Variants in SMARCA5 observed in about 807,000 individuals in gnomAD.
SMARCA5 encodes SWI/SNF-related matrix-associated actin-dependent regulator of chromatin subfamily A member 5.
Under a neutral mutation model 140.4 loss-of-function variants are expected in SMARCA5, and 18 were observed. The observed-to-expected ratio is 0.13, with a 90% confidence interval of 0.09 to 0.19. SMARCA5 has a LOEUF of 0.19. Ranked by LOEUF, SMARCA5 falls within the 10% of genes least tolerant of loss-of-function variation. The pLI, the probability that SMARCA5 is intolerant of heterozygous loss-of-function variation, is 1.00. For missense variants in SMARCA5, 606 were observed against 1,276.8 expected, an observed-to-expected ratio of 0.47 and a Z score of 8.01; for synonymous variants, 449 against 419.6, an observed-to-expected ratio of 1.07 and a Z score of -0.86.
At chr4:143,540,908 A>G (rs961867425) in intron 14 of SMARCA5, among the ~76,000 whole-genome samples, 67 of 152,234 alleles carry the variant, frequency 4.4e-4, no homozygotes, top group African/African-American at 1.4e-3. Context: ...AATAAAAATC[A>G]AAGAGCCTGA....
chr4:143,546,956 G>C (rs776092341), intron 20 of SMARCA5, 48 bp downstream of exon 20: 1 of 1,580,378 alleles, frequency 6.3e-7, no homozygotes, highest in Non-Finnish European at 8.6e-7. Context: ...GCTGTTGGAA[G>C]GTTCTTGTTT....
chr4:143,514,462 A>G lies in SMARCA5; in HGVS notation c.177+361A>G, dbSNP rs78446821. The G allele has an allele frequency of 1.6e-3, 319 of 200,860 alleles. 1 individual carries two copies. The highest frequency in any genetic ancestry group is 6.7e-3 in the African/African-American group (290 of 43,034). The allele number at this position is 200,860 out of a possible 1,614,324, so 12.4% of individuals were successfully genotyped here. A position where few individuals can be genotyped will look rare whatever the true frequency, so the allele number is the denominator to read the frequency against. ...TCTCCTACCTCTGAATGTGGTTTTTAGTTTCCACCAAACTTCGGGGAAGGG... is the reference window on the plus strand; with the variant it reads ...TCTCCTACCTCTGAATGTGGTTTTTGGTTTCCACCAAACTTCGGGGAAGGG... On this transcript the variant is annotated intron_variant, in intron 1 of 23. Transcript: ENST00000283131.
At chr4:143,527,433 A>G (rs1349831710) in intron 6 of SMARCA5, among the ~76,000 whole-genome samples, 2 of 152,158 alleles carry the variant, frequency 1.3e-5, no homozygotes, top group African/African-American at 4.8e-5. Context: ...CAGTTTCCTT[A>G]CCTTTAAAAT....
intron 4 of SMARCA5, among the ~76,000 whole-genome samples, chr4:143,524,820 A>T (rs1560813384): frequency 6.6e-6 from 1 of 152,152 alleles, no homozygotes; most frequent in African/African-American, 2.4e-5. Context: ...TATTAATTTA[A>T]TTTTTTGTGA....
intron 2 of SMARCA5, 81 bp downstream of exon 2, chr4:143,517,510 C>A: frequency 3.8e-6 from 3 of 794,090 alleles, no homozygotes; most frequent in South Asian, 1.9e-5. Flanking sequence ...CTATCTTAGT[C>A]CATTTTGTGT....
chr4:143,521,098 C>T (rs1736948272), intron 2 of SMARCA5, among the ~76,000 whole-genome samples: 1 of 152,014 alleles, frequency 6.6e-6, no homozygotes, highest in Non-Finnish European at 1.5e-5. Context: ...CTTTAAATAC[C>T]ATCACAATCA....
At position 143,554,367 on chromosome 4, in the gene SMARCA5, C is replaced by T. The variant is rs779125246; in HGVS notation, c.*1183C>T. ...GTGAATAAATATAACTTTTATAATC[C>T]GTAAAGTGGTCTTTTCTTTCCATTT... On this transcript the variant is annotated 3_prime_UTR_variant, in exon 24 of 24. Coordinates refer to ENST00000283131, the MANE Select transcript of SMARCA5 (RefSeq NM_003601.4). 14 of 152,008 alleles carry T rather than the reference C, an allele frequency of 9.2e-5. No individual in the cohort carries two copies. The highest frequency in any genetic ancestry group is 7.7e-4 in the East Asian group (4 of 5,196). The allele number at this position is 152,008 out of a possible 1,614,324, so 9.4% of individuals were successfully genotyped here. A position where few individuals can be genotyped will look rare whatever the true frequency, so the allele number is the denominator to read the frequency against.
intron 15 of SMARCA5, 95 bp from the exon 16 acceptor site, chr4:143,543,758 A>G: frequency 2.0e-6 from 3 of 1,514,716 alleles, no homozygotes; most frequent in South Asian, 1.2e-5. Context: ...TTCCTTAAAG[A>G]GAAGCTTTTG....
In SMARCA5 at chr4:143,536,378, G is replaced by A; in HGVS notation, c.1269-74G>A. ...ATTTGGGGGTTCATGTGGGGAAGGG[G>A]ATTAAGTATGTAAAGTGGCAGGGAT... On this transcript the variant is annotated intron_variant, in intron 10 of 23. Coordinates refer to ENST00000283131, the MANE Select transcript of SMARCA5 (RefSeq NM_003601.4). 3 of 975,078 alleles carry A rather than the reference G, an allele frequency of 3.1e-6. No homozygotes were observed. The South Asian group carries it at 4.1e-5, about 13-fold the overall frequency. The allele number at this position is 975,078 out of a possible 1,614,324, so 60.4% of individuals were successfully genotyped here.
Position 143,513,922 on chromosome 4 carries a change from A to T in SMARCA5, c.-3A>T, listed in dbSNP as rs773733121. The T allele has an allele frequency of 6.6e-5, 102 of 1,542,334 alleles. No individual in the cohort carries two copies. Among genetic ancestry groups the T allele is most frequent in the Non-Finnish European group, 8.4e-5 (97 of 1,150,822 alleles). ...CAGCAGCGGGTGACGCAGACGGAAC[A>T]TCATGTCGTCCGCGGCCGAGCCTCC... On this transcript the variant is annotated 5_prime_UTR_variant, in exon 1 of 24. Transcript: ENST00000283131.
At position 143,548,076 on chromosome 4, in the gene SMARCA5, G is replaced by A. The variant is rs1444750996; in HGVS notation, c.2921G>A (p.Arg974Gln). 1.2e-6 allele frequency: 2 copies of A among 1,612,974 alleles called. No homozygotes were observed. The highest frequency in any genetic ancestry group is 1.7e-6 in the Non-Finnish European group (2 of 1,179,272). ...FDKENVYDEL[R>Q]QCIRNSPQFR... ...AAAGAAAATGTTTATGATGAATTGC[G>A]ACAGTGTATTCGCAACTCTCCTCAG... Residue 974 changes from arginine to glutamine, a missense_variant, in exon 22 of 24, where the codon CGA becomes CAA. Physicochemically the swap from Arg to Gln is conservative, Grantham distance 43 (BLOSUM62 1). Transcript: ENST00000283131.
At position 143,555,642 on chromosome 4, in the gene SMARCA5, T is replaced by G. The variant is rs1401665754; in HGVS notation, c.*2458T>G. ...TCTGACAAAGTGCTGGAGGCTATTA[T>G]AAAGTGTAATTATTACTACTTTTAA... On this transcript the variant is annotated 3_prime_UTR_variant, in exon 24 of 24. Coordinates refer to ENST00000283131, the MANE Select transcript of SMARCA5 (RefSeq NM_003601.4). The G allele has an allele frequency of 3.7e-6, 1 of 270,150 alleles. No individual in the cohort carries two copies. The highest frequency in any genetic ancestry group is 2.3e-5 in the African/African-American group (1 of 44,040). 16.7% of individuals were successfully genotyped at this position (270,150 alleles called of 1,614,324 possible). A position where few individuals can be genotyped will look rare whatever the true frequency, so the allele number is the denominator to read the frequency against.
intron 11 of SMARCA5, among the ~76,000 whole-genome samples, chr4:143,537,337 T>C (rs1385766695): frequency 6.6e-6 from 1 of 152,214 alleles, no homozygotes; most frequent in African/African-American, 2.4e-5. Context: ...GAAATATCAC[T>C]GCTATAGTAT....
rs773527690 is a variant in SMARCA5 at position 143,540,428 on chromosome 4, T to C, written c.1836T>C (p.Thr612=). The change falls in exon 14 of 24, where the codon ACT becomes ACC. Residue 612 remains threonine, a synonymous_variant. Transcript: ENST00000283131. ...VRVFRFITDN[T]VEERIVERAE... is the part of the protein sequence containing the mutation. ...TGTTCCGCTTTATAACTGATAACAC[T>C]GTAGAAGAAAGAATAGTAGAACGTG... is the stretch of plus-strand genomic sequence containing the variant. 5 of 1,613,126 alleles carry C rather than the reference T, an allele frequency of 3.1e-6. No individual in the cohort carries two copies. Among genetic ancestry groups the C allele is most frequent in the Non-Finnish European group, 4.2e-6 (5 of 1,179,222 alleles).
chr4:143,514,229 TG>T, intron 1 of SMARCA5, 128 bp downstream of exon 1: 1 of 844,494 alleles, frequency 1.2e-6, no homozygotes, highest in Admixed American at 3.0e-5. Flanking sequence ...TCACACCCTG[TG>T]GATACGAAAT....
intron 14 of SMARCA5, among the ~76,000 whole-genome samples, chr4:143,542,641 A>G (rs1194216292): frequency 6.6e-6 from 1 of 152,196 alleles, no homozygotes; most frequent in African/African-American, 2.4e-5. Flanking sequence ...GTTGGCATAT[A>G]AAAATCAAAG....
chr4:143,526,824 A>T lies in SMARCA5; in HGVS notation c.801+364A>T, dbSNP rs148814629. ...GGTTGCAGTGAGCCGAGATGGCGCC[A>T]CTGCACTCCAGCCTGGGCAACAAAG... On this transcript the variant is annotated intron_variant, in intron 6 of 23. Coordinates refer to ENST00000283131, the MANE Select transcript of SMARCA5 (RefSeq NM_003601.4). Among the ~76,000 whole-genome samples, 275 of 152,130 alleles carry T rather than the reference A, an allele frequency of 1.8e-3. 1 individual carries two copies. The highest frequency in any genetic ancestry group is 6.3e-3 in the African/African-American group (260 of 41,508).
Position 143,530,496 on chromosome 4 carries a change from G to A in SMARCA5, c.1128G>A (p.Gly376=), listed in dbSNP as rs755821525. 1.2e-6 allele frequency: 2 copies of A among 1,611,638 alleles called. No homozygotes were observed. The highest frequency in any genetic ancestry group is 1.7e-6 in the Non-Finnish European group (2 of 1,178,810). The change falls in exon 9 of 24, where the codon GGG becomes GGA. Residue 376 remains glycine, a synonymous_variant. Coordinates refer to ENST00000283131, the MANE Select transcript of SMARCA5 (RefSeq NM_003601.4). ...DSWFDTNNCL[G]DQKLVERLHM... Reference sequence around the variant, plus strand: ...GGTTTGATACAAACAACTGCCTTGGGGATCAAAAACTAGTTGAGAGGCTTC... The same window carrying A: ...GGTTTGATACAAACAACTGCCTTGGAGATCAAAAACTAGTTGAGAGGCTTC...
rs541734657 is a variant in SMARCA5 at position 143,555,398 on chromosome 4, C to G, written c.*2214C>G. Reference sequence around the variant, plus strand: ...ACCACCATGGCTGCCACCAAAGCCACCACGATCACAGAACTTGATGACTGT... The same window carrying G: ...ACCACCATGGCTGCCACCAAAGCCAGCACGATCACAGAACTTGATGACTGT... On this transcript the variant is annotated 3_prime_UTR_variant, in exon 24 of 24. Coordinates refer to ENST00000283131, the MANE Select transcript of SMARCA5 (RefSeq NM_003601.4). 5 of 673,656 alleles carry G rather than the reference C, an allele frequency of 7.4e-6. No individual in the cohort carries two copies. The African/African-American group carries it at 8.7e-5, about 12-fold the overall frequency. The allele number at this position is 673,656 out of a possible 1,614,324, so 41.7% of individuals were successfully genotyped here.
Sources: gnomAD v4.1 joint callset for allele counts (sites outside exome capture counted in the v4.1 genomes callset) on GRCh38, gnomAD v4.1.1 for gene constraint, MANE v1.5 for transcripts, NCBI Gene and HGNC (gene_info 2026-07-23, HGNC 2026-07-21) for gene names.